The following PHF21B variants were observed in gnomAD, a reference collection of about 807,000 sequenced individuals.
The protein encoded by PHF21B is PHD finger protein 4.
Under a neutral mutation model 62.2 loss-of-function variants are expected in PHF21B, and 22 were observed. The ratio of observed to expected loss-of-function variants is 0.35; its 90% CI spans 0.25 to 0.51. The LOEUF is 0.51. PHF21B is among the 20% of genes least tolerant of loss of function. The pLI is 0.97. For synonymous variants in PHF21B, 341 were observed against 314.7 expected (o/e 1.08, Z -0.88); for missense variants, 701 against 707.9 (o/e 0.99, Z 0.11).
chr22:44,920,506 G>C lies in PHF21B; in HGVS notation c.121-16C>G, dbSNP rs754856712. The C allele has an allele frequency of 1.4e-5, 22 of 1,593,320 alleles. No individual in the cohort carries two copies. The highest frequency in any genetic ancestry group is 1.9e-5 in the Non-Finnish European group (22 of 1,166,388). On this transcript the variant is annotated splice_polypyrimidine_tract_variant and intron_variant, in intron 2 of 12. Coordinates refer to ENST00000313237, the MANE Select transcript of PHF21B (RefSeq NM_138415.5). Reference sequence around the variant, plus strand: ...TTCCCAAAGCCTGAAACATACAGGAGGGCAACGCTGAGACAGGAGGAGCAG... The same window carrying C: ...TTCCCAAAGCCTGAAACATACAGGACGGCAACGCTGAGACAGGAGGAGCAG...
intron 2 of PHF21B, among the ~76,000 whole-genome samples, chr22:45,002,649 C>T (rs2073240878): frequency 6.6e-6 from 1 of 152,254 alleles, no homozygotes; most frequent in South Asian, 2.1e-4. Flanking sequence ...ACACTCCTCC[C>T]TTCTGACCTG....
chr22:44,971,741 G>C (rs1209297626), intron 2 of PHF21B, among the ~76,000 whole-genome samples: 1 of 152,196 alleles, frequency 6.6e-6, no homozygotes, highest in East Asian at 1.9e-4. Flanking sequence ...GCCTGGTAGA[G>C]CCAATCTCTC....
intron 2 of PHF21B, among the ~76,000 whole-genome samples, chr22:44,947,223 T>C (rs953854560): frequency 6.6e-6 from 1 of 152,074 alleles, no homozygotes; most frequent in African/African-American, 2.4e-5. Flanking sequence ...TCTCAGTGCT[T>C]CTGGAAGGGC....
At chr22:44,893,645 G>T in intron 6 of PHF21B, 112 bp from the exon 7 acceptor site, 1 of 1,043,780 alleles carries the variant, frequency 9.6e-7, no homozygotes, top group Non-Finnish European at 1.4e-6. Context: ...AAGCCTCTCT[G>T]TGTGCTCAGC....
intron 2 of PHF21B, among the ~76,000 whole-genome samples, chr22:44,924,077 GAA>G: frequency 2.3e-5 from 1 of 43,328 alleles, no homozygotes; most frequent in Admixed American, 3.5e-4. Context: ...GGAGGGGAGG[GAA>G]GAGGGGAGGA....
Position 44,987,765 on chromosome 22 carries a change from C to CCT in PHF21B, c.120+20778_120+20779dup, listed in dbSNP as rs67730231. On this transcript the variant is annotated intron_variant, in intron 2 of 12. Coordinates refer to ENST00000313237, the MANE Select transcript of PHF21B (RefSeq NM_138415.5). The stretch of plus-strand genomic sequence containing the variant: ...TGGAGCCCCCAACACTCTCTCGTCT[C>CCT]CTCTCTCTCTCTCTCTCTCTCTCCT... Among the ~76,000 whole-genome samples, 116 of 146,808 alleles carry CCT rather than the reference C, an allele frequency of 7.9e-4. 1 individual carries two copies. The East Asian group carries it at 8.7e-3, about 11-fold the overall frequency.
chr22:44,911,926 C>A (rs560006649), intron 5 of PHF21B, among the ~76,000 whole-genome samples: 1 of 152,350 alleles, frequency 6.6e-6, no homozygotes, highest in African/African-American at 2.4e-5. Context: ...AGGAGGGAGG[C>A]TATACCCTGC....
intron 2 of PHF21B, among the ~76,000 whole-genome samples, chr22:44,947,856 C>T (rs923225725): frequency 2.0e-5 from 3 of 152,102 alleles, no homozygotes; most frequent in East Asian, 1.9e-4. Flanking sequence ...TATCCAGATA[C>T]GACTTACAAA....
At chr22:44,932,503 T>C (rs531685149) in intron 2 of PHF21B, among the ~76,000 whole-genome samples, 2 of 152,220 alleles carry the variant, frequency 1.3e-5, no homozygotes, top group Non-Finnish European at 1.5e-5. Flanking sequence ...GTAGTGCCTC[T>C]AGCTGCCTGT....
chr22:44,979,680 T>G (rs1280335198), intron 2 of PHF21B, among the ~76,000 whole-genome samples: 1 of 152,248 alleles, frequency 6.6e-6, no homozygotes, highest in African/African-American at 2.4e-5. Context: ...TTACCGGCTG[T>G]GTGTGCTCAG....
intron 2 of PHF21B, among the ~76,000 whole-genome samples, chr22:44,965,666 G>A (rs1426420739): frequency 6.6e-6 from 1 of 152,084 alleles, no homozygotes; most frequent in Non-Finnish European, 1.5e-5. Flanking sequence ...TGTCTCCCTC[G>A]CCCTCCAGAC....
rs371276184 is a variant in PHF21B, at chr22:44,964,334, C to T, written c.121-43844G>A. Reference sequence around the variant, plus strand: ...CACTCTTCCCAATGCAGCCTCGGCCCGAGGGAGGATGGGACTTCGCGTGGT... The same window carrying T: ...CACTCTTCCCAATGCAGCCTCGGCCTGAGGGAGGATGGGACTTCGCGTGGT... On this transcript the variant is annotated intron_variant, in intron 2 of 12. Transcript: ENST00000313237. Among the ~76,000 whole-genome samples, 10 of 152,260 alleles carry T rather than the reference C, an allele frequency of 6.6e-5. 1 individual carries two copies. Among genetic ancestry groups the T allele is most frequent in the Admixed American group, 1.3e-4 (2 of 15,292 alleles).
intron 5 of PHF21B, among the ~76,000 whole-genome samples, chr22:44,897,333 GC>G (rs1287405701): frequency 6.6e-6 from 1 of 152,066 alleles, no homozygotes; most frequent in Non-Finnish European, 1.5e-5. Context: ...ATCATTCCCT[GC>G]CTTGAGTGTG....
At chr22:44,991,663 G>A (rs1186773520) in intron 2 of PHF21B, among the ~76,000 whole-genome samples, 2 of 152,222 alleles carry the variant, frequency 1.3e-5, no homozygotes, top group Admixed American at 6.5e-5. Flanking sequence ...GTCACCCTGT[G>A]CCCAGCTGGG....
chr22:44,910,957 G>A lies in PHF21B; in HGVS notation c.831+2865C>T, dbSNP rs567377379. 6.6e-5 allele frequency among the ~76,000 whole-genome samples: 10 copies of A among 152,354 alleles called. No homozygotes were observed. The East Asian group carries it at 1.9e-3, about 29-fold the overall frequency. ...TGGCTTTCACAAACATGCTGATAGTGAGATGAACAATAAGGTCAGGCTGAG... is the reference window on the plus strand; with the variant it reads ...TGGCTTTCACAAACATGCTGATAGTAAGATGAACAATAAGGTCAGGCTGAG... On this transcript the variant is annotated intron_variant, in intron 5 of 12. Coordinates refer to ENST00000313237, the MANE Select transcript of PHF21B (RefSeq NM_138415.5).
chr22:44,923,493 T>C (rs1411931123), intron 2 of PHF21B, among the ~76,000 whole-genome samples: 1 of 152,012 alleles, frequency 6.6e-6, no homozygotes, highest in Non-Finnish European at 1.5e-5. Context: ...ATAATCGATA[T>C]AAGGGCAAAA....
chr22:44,925,160 G>A (rs1288357637), intron 2 of PHF21B, among the ~76,000 whole-genome samples: 1 of 152,206 alleles, frequency 6.6e-6, no homozygotes, highest in Non-Finnish European at 1.5e-5. Context: ...ACGAGAGGAA[G>A]GGATTACAAA....
chr22:44,910,097 G>A (rs984562835), intron 5 of PHF21B, among the ~76,000 whole-genome samples: 1 of 152,210 alleles, frequency 6.6e-6, no homozygotes, highest in African/African-American at 2.4e-5. Flanking sequence ...AAAGGAAAAA[G>A]TGAAGGGATG....
chr22:44,897,307 G>A (rs577517589), intron 5 of PHF21B, among the ~76,000 whole-genome samples: 20 of 152,050 alleles, frequency 1.3e-4, no homozygotes, highest in Admixed American at 5.9e-4. Context: ...CCTACCCTGC[G>A]GTGTAGCCAC....
Sources: allele counts gnomAD v4.1 joint callset (sites outside exome capture counted in the v4.1 genomes callset), GRCh38; gene constraint gnomAD v4.1.1; transcripts MANE v1.5; gene names NCBI Gene and HGNC (gene_info 2026-07-23, HGNC 2026-07-21).